Variants in ANO2 observed in about 807,000 individuals in gnomAD.
ANO2 encodes anoctamin 2, also known as anoctamin-2.
Under a neutral mutation model 124.2 loss-of-function variants are expected in ANO2, and 101 were observed. The ratio of observed to expected loss-of-function variants is 0.81; its 90% confidence interval spans 0.69 to 0.96. The LOEUF is 0.96. Ranked by LOEUF, ANO2 falls within the 40% of genes least tolerant of loss-of-function variation. ANO2 has a pLI of 0.00. For missense variants in ANO2, 1,293 were observed against 1,274.5 expected, an observed-to-expected ratio of 1.01 and a Z score of -0.22; for synonymous variants, 486 against 482.5, an observed-to-expected ratio of 1.01 and a Z score of -0.09.
At chr12:5,653,214 T>A (rs368334870) in intron 14 of ANO2, among the ~76,000 whole-genome samples, 10 of 152,290 alleles carry the variant, frequency 6.6e-5, no homozygotes, top group African/African-American at 2.4e-4. Flanking sequence ...AACCTTGCCA[T>A]CGTCACTGGC....
chr12:5,589,272 G>A (rs554286961), intron 20 of ANO2, among the ~76,000 whole-genome samples: 11 of 152,092 alleles, frequency 7.2e-5, no homozygotes, highest in East Asian at 3.9e-4. Flanking sequence ...TGGCTTACTC[G>A]CTAGAAAGGA....
intron 4 of ANO2, among the ~76,000 whole-genome samples, chr12:5,842,066 G>A (rs531816442): frequency 3.4e-4 from 52 of 151,996 alleles, no homozygotes; most frequent in Non-Finnish European, 5.9e-4. Flanking sequence ...TTTTAGTAGA[G>A]ATGAGGTCTT....
At chr12:5,626,580 C>T (rs1420636381) in intron 16 of ANO2, among the ~76,000 whole-genome samples, 1 of 152,138 alleles carries the variant, frequency 6.6e-6, no homozygotes, top group African/African-American at 2.4e-5. Flanking sequence ...CCATGTTTAA[C>T]TTCGGATGTT....
intron 14 of ANO2, among the ~76,000 whole-genome samples, chr12:5,653,777 CAT>C (rs1947031363): frequency 6.6e-6 from 1 of 152,116 alleles, no homozygotes; most frequent in Non-Finnish European, 1.5e-5. Flanking sequence ...GTCATGGAAA[CAT>C]AGAGGAGGGA....
chr12:5,728,865 G>A (rs1184876526), intron 14 of ANO2, among the ~76,000 whole-genome samples: 1 of 152,120 alleles, frequency 6.6e-6, no homozygotes, highest in Non-Finnish European at 1.5e-5. Context: ...TTTTGATAAG[G>A]GTGTCAAGAT....
chr12:5,827,654 T>C, intron 7 of ANO2, 115 bp downstream of exon 7: 3 of 1,241,698 alleles, frequency 2.4e-6, no homozygotes, highest in Non-Finnish European at 3.4e-6. Context: ...AGCCTCTCCG[T>C]GGGGGGCATT....
chr12:5,799,362 T>G, intron 10 of ANO2, 145 bp downstream of exon 10: 7 of 714,074 alleles, frequency 9.8e-6, no homozygotes, highest in South Asian at 1.9e-5. Flanking sequence ...TCCCCACCCA[T>G]GAGACACAGA....
rs1273185133 is a variant in ANO2, at chr12:5,635,616, C to CACACACACACACAT, written c.1621-270_1621-269insATGTGTGTGTGTGT. 6.6e-6 allele frequency among the ~76,000 whole-genome samples: 1 copy of CACACACACACACAT among 151,768 alleles called. No individual in the cohort carries two copies. The highest frequency in any genetic ancestry group is 2.4e-5 in the African/African-American group (1 of 41,302). ...ATGATTTATCACACACACACACACA[C>CACACACACACACAT]ACACACACACACAATAAGGATGAAC... On this transcript the variant is annotated intron_variant, in intron 15 of 24. Transcript: ENST00000682330. This position sits in a 1 kb window ranked among gnomAD's most constrained non-coding sequence, Gnocchi z 5.2.
chr12:5,636,737 T>C lies in ANO2; in HGVS notation c.1621-1390A>G, dbSNP rs1216148033. On this transcript the variant is annotated intron_variant, in intron 15 of 24. Transcript: ENST00000682330. This position sits in a 1 kb window ranked among gnomAD's most constrained non-coding sequence, Gnocchi z 4.6. ...AAAGGGGAGGGGAAGTGGGGGCCTC[T>C]GGCTTGGGCAGTGCTTTGCAAGCAG... Among the ~76,000 whole-genome samples, 1 of 151,706 alleles carries C rather than the reference T, an allele frequency of 6.6e-6. No homozygotes were observed. The highest frequency in any genetic ancestry group is 1.9e-4 in the East Asian group (1 of 5,162).
At chr12:5,597,742 A>G (rs1416135059) in intron 20 of ANO2, among the ~76,000 whole-genome samples, 1 of 152,170 alleles carries the variant, frequency 6.6e-6, no homozygotes, top group Non-Finnish European at 1.5e-5. Context: ...CCTTCCCCAA[A>G]TGGAAGTCCC....
chr12:5,655,112 C>G (rs1002384746), intron 14 of ANO2, among the ~76,000 whole-genome samples: 1 of 152,188 alleles, frequency 6.6e-6, no homozygotes. Flanking sequence ...TTTTCTCCCA[C>G]TCATTACATA....
At chr12:5,653,831 T>C (rs1660106977) in intron 14 of ANO2, among the ~76,000 whole-genome samples, 2 of 152,142 alleles carry the variant, frequency 1.3e-5, no homozygotes, top group Admixed American at 1.3e-4. Flanking sequence ...CTTCAATGAC[T>C]AGGAGACATT....
intron 14 of ANO2, among the ~76,000 whole-genome samples, chr12:5,666,498 T>A (rs759090): frequency 1.3e-5 from 2 of 151,708 alleles, no homozygotes. Context: ...ACTCATGAAA[T>A]GCACAGCGAC....
intron 4 of ANO2, among the ~76,000 whole-genome samples, chr12:5,848,658 T>C (rs1224897821): frequency 6.6e-6 from 1 of 152,172 alleles, no homozygotes; most frequent in Non-Finnish European, 1.5e-5. Flanking sequence ...CCGTCGTGTT[T>C]ACAGACGCCC....
rs556764953 is a variant in ANO2 at position 5,867,241 on chromosome 12, C to G, written c.535-13100G>C. ...TTTCTTCAGCTAAAGAACTCTTTCT[C>G]CAAATATTTCAAGGGGCTACCTGGT... On this transcript the variant is annotated intron_variant, in intron 3 of 24. Coordinates refer to ENST00000682330, the MANE Select transcript of ANO2 (RefSeq NM_001364791.2). Among the ~76,000 whole-genome samples, 12 of 152,338 alleles carry G rather than the reference C, an allele frequency of 7.9e-5. 1 individual carries two copies. Among genetic ancestry groups the G allele is most frequent in the African/African-American group, 2.6e-4 (11 of 41,580 alleles).
intron 19 of ANO2, among the ~76,000 whole-genome samples, chr12:5,604,910 T>TC (rs567261201): frequency 7.2e-4 from 109 of 151,788 alleles, no homozygotes; most frequent in East Asian, 5.3e-3. Context: ...TGCTTTTCTT[T>TC]TTTTTTTTTA....
rs553595919 is a variant in ANO2, at chr12:5,651,918, T to C, written c.1546-4117A>G. Among the ~76,000 whole-genome samples, 21 of 152,364 alleles carry C rather than the reference T, an allele frequency of 1.4e-4. No individual in the cohort carries two copies. The East Asian group carries it at 4.0e-3, about 29-fold the overall frequency. On this transcript the variant is annotated intron_variant, in intron 14 of 24. Coordinates refer to ENST00000682330, the MANE Select transcript of ANO2 (RefSeq NM_001364791.2). ...TTCATGTTGTCCATGTGGTTGCATG[T>C]CTTGGTAGTTTGTTCGTTTTTATTG...
At chr12:5,825,964 G>A (rs117487026) in intron 7 of ANO2, among the ~76,000 whole-genome samples, 5,805 of 152,232 alleles carry the variant, frequency 0.038, 210 homozygotes, top group Non-Finnish European at 0.048. Flanking sequence ...CACCAGCTAC[G>A]ACCACATGAC....
intron 19 of ANO2, chr12:5,608,870 T>C (rs932159530): frequency 2.6e-5 from 4 of 152,208 alleles, no homozygotes; most frequent in Non-Finnish European, 5.9e-5. Flanking sequence ...GCCTTCTGGG[T>C]CCAGAGAGAA....
Sources: gnomAD v4.1 joint callset for allele counts (sites outside exome capture counted in the v4.1 genomes callset) on GRCh38, gnomAD v4.1.1 for gene constraint, Gnocchi (gnomAD v3.1) non-coding constraint, MANE v1.5 for transcripts, NCBI Gene and HGNC (gene_info 2026-07-23, HGNC 2026-07-21) for gene names.